SLC39A11: variants seen among roughly 807,000 people sequenced by gnomAD.
SLC39A11 encodes the protein zinc transporter ZIP11.
Under a neutral mutation model 36.1 loss-of-function variants are expected in SLC39A11, and 33 were observed. That is an observed-to-expected ratio of 0.91 (90% confidence interval 0.69 to 1.22). The LOEUF (loss-of-function observed/expected upper bound fraction) is 1.22, where lower values mean the gene tolerates loss of function less well. Ranked by LOEUF, SLC39A11 falls within the 50% of genes most tolerant of loss-of-function variation. The probability of loss-of-function intolerance (pLI) is 0.00; values close to 1 mark genes in which losing one functional copy is unlikely to be tolerated. For synonymous variants in SLC39A11, 166 were observed against 170.3 expected (o/e 0.97, Z 0.20); for missense variants, 432 against 430.3 (o/e 1.00, Z -0.03).
chr17:72,846,014 C>CTTTTT (rs1275294702), intron 6 of SLC39A11, among the ~76,000 whole-genome samples: 11 of 96,254 alleles, frequency 1.1e-4, no homozygotes, highest in African/African-American at 3.5e-4. Flanking sequence ...CTCTCTCTCT[C>CTTTTT]TCTCTTTTTT....
intron 6 of SLC39A11, among the ~76,000 whole-genome samples, chr17:72,774,553 C>A (rs2076066029): frequency 6.6e-6 from 1 of 152,182 alleles, no homozygotes; most frequent in Non-Finnish European, 1.5e-5. Flanking sequence ...CAGGACCCTG[C>A]TAACACCACT....
intron 6 of SLC39A11, among the ~76,000 whole-genome samples, chr17:72,800,310 T>A (rs2077041629): frequency 1.4e-5 from 2 of 143,622 alleles, no homozygotes; most frequent in Non-Finnish European, 3.0e-5. Flanking sequence ...ATAATTTTTT[T>A]TTTTTTTTTT....
chr17:72,905,252 C>G (rs931093409), intron 5 of SLC39A11, among the ~76,000 whole-genome samples: 2 of 142,584 alleles, frequency 1.4e-5, no homozygotes, highest in African/African-American at 5.2e-5. Context: ...AATAGCAGTG[C>G]TTTGTGGCTG....
At chr17:72,763,700 T>C (rs1045795795) in intron 6 of SLC39A11, among the ~76,000 whole-genome samples, 1 of 152,228 alleles carries the variant, frequency 6.6e-6, no homozygotes. Context: ...GCACCTCCTC[T>C]GTACCAGGAA....
intron 5 of SLC39A11, among the ~76,000 whole-genome samples, chr17:72,887,807 T>A (rs2081509987): frequency 1.3e-5 from 2 of 152,216 alleles, no homozygotes; most frequent in South Asian, 4.2e-4. Context: ...AAATTGCTTA[T>A]TAAAGTGCCA....
chr17:72,707,804 G>C (rs969169213), intron 7 of SLC39A11, among the ~76,000 whole-genome samples: 1 of 152,206 alleles, frequency 6.6e-6, no homozygotes, highest in African/African-American at 2.4e-5. Flanking sequence ...CCAAGCAAAA[G>C]CCAAAGTTCA....
chr17:72,872,403 C>T (rs943363413), intron 5 of SLC39A11, among the ~76,000 whole-genome samples: 8 of 152,256 alleles, frequency 5.3e-5, no homozygotes, highest in Non-Finnish European at 7.4e-5. Flanking sequence ...ATTCGACAGA[C>T]GGGTACAACC....
chr17:72,702,178 C>T (rs2072675976), intron 7 of SLC39A11, among the ~76,000 whole-genome samples: 1 of 152,170 alleles, frequency 6.6e-6, no homozygotes, highest in Non-Finnish European at 1.5e-5. Flanking sequence ...TATACCAATC[C>T]ACATGCTCTC....
At chr17:72,931,703 CACA>C (rs1217388130) in intron 5 of SLC39A11, among the ~76,000 whole-genome samples, 1 of 152,208 alleles carries the variant, frequency 6.6e-6, no homozygotes, top group Non-Finnish European at 1.5e-5. Context: ...TTTCACACTG[CACA>C]ACAAGCCTCT....
chr17:72,868,263 G>C (rs917570639), intron 5 of SLC39A11, among the ~76,000 whole-genome samples: 1 of 152,130 alleles, frequency 6.6e-6, no homozygotes, highest in African/African-American at 2.4e-5. Context: ...AAAATGAGGA[G>C]AGAAAGAAAA....
chr17:72,761,357 C>T (rs540293470), intron 6 of SLC39A11, among the ~76,000 whole-genome samples: 68 of 152,094 alleles, frequency 4.5e-4, no homozygotes, highest in African/African-American at 1.4e-3. Flanking sequence ...TCAGGTGATC[C>T]GCCCCCCTCG....
intron 6 of SLC39A11, among the ~76,000 whole-genome samples, chr17:72,750,726 G>A (rs1476195398): frequency 6.6e-6 from 1 of 152,020 alleles, no homozygotes; most frequent in Non-Finnish European, 1.5e-5. Flanking sequence ...CACAACGTAT[G>A]TATCCAAGGG....
intron 3 of SLC39A11, among the ~76,000 whole-genome samples, chr17:73,073,299 C>G (rs72631364): frequency 6.6e-6 from 1 of 152,144 alleles, no homozygotes; most frequent in African/African-American, 2.4e-5. Flanking sequence ...GGAAGCAACA[C>G]GTCAGAAGGC....
At chr17:73,008,254 C>G (rs1170440479) in intron 4 of SLC39A11, among the ~76,000 whole-genome samples, 2 of 148,790 alleles carry the variant, frequency 1.3e-5, no homozygotes, top group African/African-American at 4.9e-5. Context: ...CTCACAGCAT[C>G]CCTAGTAGCT....
At chr17:72,963,784 A>G (rs910750692) in intron 4 of SLC39A11, among the ~76,000 whole-genome samples, 1 of 152,184 alleles carries the variant, frequency 6.6e-6, no homozygotes, top group African/African-American at 2.4e-5. Flanking sequence ...TCAGCCATCC[A>G]GGGAAGATAT....
intron 5 of SLC39A11, among the ~76,000 whole-genome samples, chr17:72,855,471 T>C (rs1446282707): frequency 6.6e-6 from 1 of 152,184 alleles, no homozygotes; most frequent in Admixed American, 6.5e-5. Context: ...TCGTCATCTG[T>C]TAAGTGCAGA....
At chr17:72,914,890 T>TAAATAAATAAA (rs1555629723) in intron 5 of SLC39A11, among the ~76,000 whole-genome samples, 1 of 120,872 alleles carries the variant, frequency 8.3e-6, no homozygotes, top group East Asian at 2.1e-4. Context: ...ATAAATAAAA[T>TAAATAAATAAA]TGAATATCTG....
At chr17:72,701,727 CAAAAAAA>C (rs57220008) in intron 7 of SLC39A11, among the ~76,000 whole-genome samples, 49 of 88,848 alleles carry the variant, frequency 5.5e-4, no homozygotes, top group African/African-American at 2.2e-3. Flanking sequence ...GATTCTGTCT[CAAAAAAA>C]AAAAAAAAAA....
At chr17:72,701,953 A>C (rs1341417136) in intron 7 of SLC39A11, among the ~76,000 whole-genome samples, 1 of 152,176 alleles carries the variant, frequency 6.6e-6, no homozygotes, top group African/African-American at 2.4e-5. Flanking sequence ...AGAATGTTTA[A>C]AAATTAGCCA....
Sources: allele counts gnomAD v4.1 joint callset (sites outside exome capture counted in the v4.1 genomes callset), GRCh38; gene constraint gnomAD v4.1.1; transcripts MANE v1.5; gene names NCBI Gene and HGNC (gene_info 2026-07-23, HGNC 2026-07-21).